MMS22L: variants seen among roughly 807,000 people sequenced by gnomAD.
MMS22L encodes protein MMS22-like.
In MMS22L, 74 loss-of-function variants were observed where a neutral mutation model predicts 159.1. The ratio of observed to expected loss-of-function variants is 0.47; its 90% CI spans 0.39 to 0.56. The LOEUF is 0.56. Among genes scored for constraint, MMS22L ranks in the 20% least tolerant of loss-of-function variants. MMS22L has a pLI of 0.00. For missense variants in MMS22L, 1,351 were observed against 1,422.1 expected (o/e 0.95, Z 0.80); for synonymous variants, 517 against 506.9 (o/e 1.02, Z -0.27).
chr6:97,254,291 A>C (rs1259051246), intron 10 of MMS22L: 1 of 271,134 alleles, frequency 3.7e-6, no homozygotes, highest in Admixed American at 4.9e-5. Flanking sequence ...GAAAGGTTTA[A>C]GTAATTTGCT....
At chr6:97,279,427 T>G (rs1277632635) in intron 3 of MMS22L, among the ~76,000 whole-genome samples, 6 of 151,528 alleles carry the variant, frequency 4.0e-5, no homozygotes, top group Non-Finnish European at 7.4e-5. Flanking sequence ...GAGCTTGCAG[T>G]AAGCAGAGAT....
intron 13 of MMS22L, among the ~76,000 whole-genome samples, chr6:97,229,608 C>T (rs1810639667): frequency 6.6e-6 from 1 of 152,094 alleles, no homozygotes; most frequent in Non-Finnish European, 1.5e-5. Flanking sequence ...AGCAAATCAC[C>T]TGTAAGTGAA....
rs1025304136 is a variant in MMS22L, at chr6:97,270,131, C to T, written c.607-139G>A. On this transcript the variant is annotated intron_variant, in intron 6 of 24. Coordinates refer to ENST00000683635, the MANE Select transcript of MMS22L (RefSeq NM_001350599.2). Reference sequence around the variant, plus strand: ...CCACTATTCAAAAGCTCAGGGAAAACCTCTGTCTTGTTCATTAGAGGATTC... The same window carrying T: ...CCACTATTCAAAAGCTCAGGGAAAATCTCTGTCTTGTTCATTAGAGGATTC... The T allele has an allele frequency of 3.0e-5, 20 of 669,802 alleles. No individual in the cohort carries two copies. In the South Asian group the frequency reaches 3.4e-4, roughly 11 times the overall value. 41.5% of individuals were successfully genotyped at this position (669,802 alleles called of 1,614,324 possible).
At chr6:97,176,711 C>CA (rs1172503085) in intron 18 of MMS22L, among the ~76,000 whole-genome samples, 3 of 152,174 alleles carry the variant, frequency 2.0e-5, no homozygotes, top group Non-Finnish European at 4.4e-5. Context: ...TAGTGTTTCA[C>CA]ATGTCTTGTC....
intron 15 of MMS22L, among the ~76,000 whole-genome samples, chr6:97,185,903 C>T (rs1003117484): frequency 6.6e-6 from 1 of 152,046 alleles, no homozygotes; most frequent in African/African-American, 2.4e-5. Flanking sequence ...ACAATGGCCT[C>T]TTCTTAGAAA....
Position 97,215,112 on chromosome 6 carries a change from A to T in MMS22L, c.2039+13782T>A, listed in dbSNP as rs375449434. ...TTTAAATATATATATATATATATAT[A>T]TATTTTTTTTTTGCATTGTTTCACT... On this transcript the variant is annotated intron_variant, in intron 14 of 24. Transcript: ENST00000683635. 5.3e-3 allele frequency among the ~76,000 whole-genome samples: 421 copies of T among 80,062 alleles called. 3 individuals carry two copies. Among genetic ancestry groups the T allele is most frequent in the Middle Eastern group, 9.1e-3 (1 of 110 alleles). The allele number at this position is 80,062 out of a possible 152,430, so 52.5% of individuals were successfully genotyped here.
chr6:97,149,074 C>A (rs1231712371), intron 24 of MMS22L, among the ~76,000 whole-genome samples: 1 of 152,156 alleles, frequency 6.6e-6, no homozygotes, highest in Non-Finnish European at 1.5e-5. Flanking sequence ...ATAGGCCACA[C>A]CACATTGCCT....
chr6:97,176,741 A>T (rs1804161560), intron 18 of MMS22L, among the ~76,000 whole-genome samples: 1 of 152,210 alleles, frequency 6.6e-6, no homozygotes, highest in South Asian at 2.1e-4. Flanking sequence ...TGCTGAAAGA[A>T]TTAAGCATAT....
chr6:97,211,568 C>T lies in MMS22L; in HGVS notation c.2039+17326G>A, dbSNP rs151029466. Reference sequence around the variant, plus strand: ...AAGTTGCACAGCTCTATGTAGCATCCGTGTTGTTAGCATGTACATAAACTT... The same window carrying T: ...AAGTTGCACAGCTCTATGTAGCATCTGTGTTGTTAGCATGTACATAAACTT... On this transcript the variant is annotated intron_variant, in intron 14 of 24. Coordinates refer to ENST00000683635, the MANE Select transcript of MMS22L (RefSeq NM_001350599.2). 1.4e-4 allele frequency among the ~76,000 whole-genome samples: 21 copies of T among 152,150 alleles called. No homozygotes were observed. In the South Asian group the frequency reaches 1.7e-3, roughly 12 times the overall value.
chr6:97,260,889 T>G (rs1329546082), intron 9 of MMS22L: 10 of 152,080 alleles, frequency 6.6e-5, no homozygotes. Context: ...GTATGAGTCC[T>G]TTGATTTATT....
At position 97,197,249 on chromosome 6, in the gene MMS22L, T is replaced by C. The variant is rs556309314; in HGVS notation, c.2040-10559A>G. On this transcript the variant is annotated intron_variant, in intron 14 of 24. Coordinates refer to ENST00000683635, the MANE Select transcript of MMS22L (RefSeq NM_001350599.2). ...TTCTAAAAGAAGAGCAGAATGATCA[T>C]CATCTGATTGTGACAACTTGCACTG... Among the ~76,000 whole-genome samples, 5 of 152,298 alleles carry C rather than the reference T, an allele frequency of 3.3e-5. No individual in the cohort carries two copies. The South Asian group carries it at 1.0e-3, about 32-fold the overall frequency.
At chr6:97,151,068 T>C (rs778116338) in intron 23 of MMS22L, among the ~76,000 whole-genome samples, 1 of 152,168 alleles carries the variant, frequency 6.6e-6, no homozygotes, top group Non-Finnish European at 1.5e-5. Context: ...CAGTGACATG[T>C]ACTTCTACAA....
chr6:97,281,878 A>G (rs1201966183), intron 2 of MMS22L, among the ~76,000 whole-genome samples: 1 of 152,230 alleles, frequency 6.6e-6, no homozygotes, highest in Non-Finnish European at 1.5e-5. Context: ...GTACCTGCCC[A>G]AGGCAAAATA....
At chr6:97,217,589 C>T (rs911652678) in intron 14 of MMS22L, among the ~76,000 whole-genome samples, 1 of 152,080 alleles carries the variant, frequency 6.6e-6, no homozygotes, top group African/African-American at 2.4e-5. Flanking sequence ...CATTCACCTC[C>T]CACGTTAATT....
intron 19 of MMS22L, among the ~76,000 whole-genome samples, chr6:97,169,308 T>C (rs1803284703): frequency 6.6e-6 from 1 of 152,124 alleles, no homozygotes; most frequent in African/African-American, 2.4e-5. Context: ...AGAGCAGATA[T>C]ATAATTCCCA....
At chr6:97,163,345 A>C (rs1037050985) in intron 21 of MMS22L, among the ~76,000 whole-genome samples, 3 of 152,064 alleles carry the variant, frequency 2.0e-5, no homozygotes, top group Non-Finnish European at 4.4e-5. Flanking sequence ...TCAGGAATTC[A>C]GAGAAAAGAG....
chr6:97,155,087 G>T (rs1801690978), intron 22 of MMS22L, among the ~76,000 whole-genome samples: 1 of 152,026 alleles, frequency 6.6e-6, no homozygotes, highest in Admixed American at 6.6e-5. Flanking sequence ...AGTGTTTCCT[G>T]TAAATACCAT....
intron 9 of MMS22L, among the ~76,000 whole-genome samples, chr6:97,257,398 A>G (rs774696371): frequency 1.3e-5 from 2 of 152,102 alleles, no homozygotes; most frequent in Non-Finnish European, 2.9e-5. Flanking sequence ...TACCACTCAT[A>G]ACCTTGATAT....
chr6:97,188,724 C>G (rs1468696883), intron 14 of MMS22L, among the ~76,000 whole-genome samples: 1 of 152,130 alleles, frequency 6.6e-6, no homozygotes. Flanking sequence ...CTTTGGGAGG[C>G]CAGGGTGGGT....
Sources: gnomAD v4.1 joint callset for allele counts (sites outside exome capture counted in the v4.1 genomes callset) on GRCh38, gnomAD v4.1.1 for gene constraint, MANE v1.5 for transcripts, NCBI Gene and HGNC (gene_info 2026-07-23, HGNC 2026-07-21) for gene names.